VAPB: variants seen among roughly 807,000 people sequenced by gnomAD.
VAPB encodes VAMP associated protein B and C, also known as vesicle-associated membrane protein-associated protein B/C.
A neutral mutation model predicts 25.6 loss-of-function variants in VAPB; 7 were observed. That is an observed-to-expected ratio of 0.27 (90% CI 0.16 to 0.51). VAPB has a LOEUF of 0.51. VAPB is among the 20% of genes least tolerant of loss of function. The pLI is 0.97. For synonymous variants in VAPB, 112 were observed against 109.2 expected (o/e 1.03, Z -0.16); for missense variants, 266 against 301.3 (o/e 0.88, Z 0.87).
At chr20:58,407,612 GGC>G (rs1438616732) in intron 1 of VAPB, among the ~76,000 whole-genome samples, 5 of 151,084 alleles carry the variant, frequency 3.3e-5, no homozygotes, top group Admixed American at 6.6e-5. Flanking sequence ...AATAATTTAT[GGC>G]ATGTCTGTAC....
At chr20:58,421,342 G>A (rs1988664268) in intron 2 of VAPB, among the ~76,000 whole-genome samples, 1 of 152,186 alleles carries the variant, frequency 6.6e-6, no homozygotes, top group Non-Finnish European at 1.5e-5. Context: ...TTTGAAGAAG[G>A]TGGATTGCAT....
In VAPB at chr20:58,449,448, T is replaced by C. The variant is rs1256124407; in HGVS notation, c.*5213T>C. On this transcript the variant is annotated 3_prime_UTR_variant, in exon 6 of 6. Coordinates refer to ENST00000475243, the MANE Select transcript of VAPB (RefSeq NM_004738.5). Reference sequence around the variant, plus strand: ...CATGAATATAATTACTTGAGATTTTTTTTTCTTAATGGAATTAGTTTATTA... The same window carrying C: ...CATGAATATAATTACTTGAGATTTTCTTTTCTTAATGGAATTAGTTTATTA... 4.4e-6 allele frequency: 2 copies of C among 449,668 alleles called. No individual in the cohort carries two copies. Among genetic ancestry groups the C allele is most frequent in the African/African-American group, 4.0e-5 (2 of 49,600 alleles). The allele number at this position is 449,668 out of a possible 1,614,324, so 27.9% of individuals were successfully genotyped here.
intron 1 of VAPB, among the ~76,000 whole-genome samples, chr20:58,401,972 T>A (rs537330575): frequency 6.6e-6 from 1 of 152,282 alleles, no homozygotes; most frequent in African/African-American, 2.4e-5. Context: ...GGCTGCCCCA[T>A]TTTCTCCCGC....
In VAPB at chr20:58,446,140, C is replaced by T. The variant is rs1989287889; in HGVS notation, c.*1905C>T. On this transcript the variant is annotated 3_prime_UTR_variant, in exon 6 of 6. Coordinates refer to ENST00000475243, the MANE Select transcript of VAPB (RefSeq NM_004738.5). ...CAGACTTAGTTGTTACCCAGGCACCCATGGATTGTGTTGAGTGTGCAGACA... is the reference window on the plus strand; with the variant it reads ...CAGACTTAGTTGTTACCCAGGCACCTATGGATTGTGTTGAGTGTGCAGACA... 2.2e-6 allele frequency: 1 copy of T among 454,064 alleles called. No individual in the cohort carries two copies. Among genetic ancestry groups the T allele is most frequent in the Non-Finnish European group, 4.4e-6 (1 of 226,794 alleles). 28.1% of individuals were successfully genotyped at this position (454,064 alleles called of 1,614,324 possible). A position where few individuals can be genotyped will look rare whatever the true frequency, so the allele number is the denominator to read the frequency against.
chr20:58,389,346 C>A lies in VAPB; in HGVS notation c.-114C>A. 1.1e-6 allele frequency: 1 copy of A among 899,646 alleles called. No homozygotes were observed. The highest frequency in any genetic ancestry group is 1.6e-6 in the Non-Finnish European group (1 of 627,272). The allele number at this position is 899,646 out of a possible 1,614,324, so 55.7% of individuals were successfully genotyped here. A position where few individuals can be genotyped will look rare whatever the true frequency, so the allele number is the denominator to read the frequency against. On this transcript the variant is annotated 5_prime_UTR_variant, in exon 1 of 6. Transcript: ENST00000475243. ...ACCCGGTAGAGGACCCCCGCCCGTG[C>A]CCCGACCGGTCCCCGCCTTTTTGTA...
At chr20:58,435,697 A>G (rs983749500) in intron 3 of VAPB, among the ~76,000 whole-genome samples, 25 of 152,270 alleles carry the variant, frequency 1.6e-4, no homozygotes, top group African/African-American at 5.5e-4. Context: ...ACTTGTAGGC[A>G]GAAAATGAAG....
chr20:58,429,029 A>G (rs1348100684), intron 2 of VAPB, among the ~76,000 whole-genome samples: 2 of 152,176 alleles, frequency 1.3e-5, no homozygotes, highest in Non-Finnish European at 2.9e-5. Context: ...GAAATCTAGA[A>G]GTGAGTCTTT....
At chr20:58,411,710 G>A (rs551628309) in intron 1 of VAPB, among the ~76,000 whole-genome samples, 1 of 151,396 alleles carries the variant, frequency 6.6e-6, no homozygotes, top group Admixed American at 6.6e-5. Flanking sequence ...AGTCTCTTTC[G>A]CTCTGTCACC....
chr20:58,429,659 G>A (rs1278130730), intron 2 of VAPB, among the ~76,000 whole-genome samples: 3 of 152,202 alleles, frequency 2.0e-5, no homozygotes, highest in Middle Eastern at 6.3e-3. Flanking sequence ...GTGTGTGCAT[G>A]CATATGTGCC....
chr20:58,433,775 T>C (rs1031223650), intron 2 of VAPB, among the ~76,000 whole-genome samples: 5 of 152,248 alleles, frequency 3.3e-5, no homozygotes, highest in Admixed American at 2.0e-4. Flanking sequence ...TGCCCACTGT[T>C]GTGGTCAAGG....
At chr20:58,406,887 G>A (rs1380938201) in intron 1 of VAPB, among the ~76,000 whole-genome samples, 1 of 152,060 alleles carries the variant, frequency 6.6e-6, no homozygotes, top group Non-Finnish European at 1.5e-5. Context: ...AATTTTATTT[G>A]CAGTAGAATA....
intron 5 of VAPB, among the ~76,000 whole-genome samples, chr20:58,443,176 T>A (rs1189035512): frequency 6.6e-6 from 1 of 152,004 alleles, no homozygotes; most frequent in Non-Finnish European, 1.5e-5. Flanking sequence ...AAGGGGAGGG[T>A]GGGGAATATG....
intron 3 of VAPB, among the ~76,000 whole-genome samples, chr20:58,437,423 TC>T (rs1989072944): frequency 6.6e-6 from 1 of 152,214 alleles, no homozygotes; most frequent in Non-Finnish European, 1.5e-5. Flanking sequence ...ACCAGGTTGT[TC>T]CGCTGTTGGT....
At position 58,408,900 on chromosome 20, in the gene VAPB, C is replaced by A. The variant is rs1457625008; in HGVS notation, c.59-9311C>A. ...ATGAATAGGACAGACACCCCCCCCC[C>A]CCACCCCGCCCCCCACTCCATGTGG... On this transcript the variant is annotated intron_variant, in intron 1 of 5. Transcript: ENST00000475243. Among the ~76,000 whole-genome samples, 5 of 136,626 alleles carry A rather than the reference C, an allele frequency of 3.7e-5. 1 individual carries two copies. The highest frequency in any genetic ancestry group is 5.6e-5 in the African/African-American group (2 of 35,788). The allele number at this position is 136,626 out of a possible 152,430, so 89.6% of individuals were successfully genotyped here. A position where few individuals can be genotyped will look rare whatever the true frequency, so the allele number is the denominator to read the frequency against.
In VAPB at chr20:58,445,563, AT is replaced by A. The variant is rs1568722801; in HGVS notation, c.*1332del. 2.2e-6 allele frequency: 1 copy of A among 454,176 alleles called. No homozygotes were observed. The highest frequency in any genetic ancestry group is 7.0e-5 in the East Asian group (1 of 14,388). 28.1% of individuals were successfully genotyped at this position (454,176 alleles called of 1,614,324 possible). A position where few individuals can be genotyped will look rare whatever the true frequency, so the allele number is the denominator to read the frequency against. ...CCCCAAAATTAAGAATTCTTTTGTCATTTTGTCACATTTGCTCTATGGGGGG... is the reference window on the plus strand; with the variant it reads ...CCCCAAAATTAAGAATTCTTTTGTCATTTGTCACATTTGCTCTATGGGGGG... On this transcript the variant is annotated 3_prime_UTR_variant, in exon 6 of 6. Coordinates refer to ENST00000475243, the MANE Select transcript of VAPB (RefSeq NM_004738.5).
chr20:58,447,107 C>T lies in VAPB; in HGVS notation c.*2872C>T, dbSNP rs1989311456. 2 of 453,954 alleles carry T rather than the reference C, an allele frequency of 4.4e-6. No homozygotes were observed. The highest frequency in any genetic ancestry group is 8.8e-6 in the Non-Finnish European group (2 of 226,786). 28.1% of individuals were successfully genotyped at this position (453,954 alleles called of 1,614,324 possible). A position where few individuals can be genotyped will look rare whatever the true frequency, so the allele number is the denominator to read the frequency against. ...CAGTCTGCTCCTGTGGTTACTGGCT[C>T]CACAGCACCTCAGAGAGGGCGGCCC... On this transcript the variant is annotated 3_prime_UTR_variant, in exon 6 of 6. Transcript: ENST00000475243.
intron 1 of VAPB, among the ~76,000 whole-genome samples, chr20:58,417,999 A>G (rs1353590607): frequency 6.6e-6 from 1 of 152,234 alleles, no homozygotes; most frequent in Admixed American, 6.5e-5. Flanking sequence ...GAACACTTAC[A>G]CTAGGTACCT....
Position 58,446,214 on chromosome 20 carries a change from C to A in VAPB, c.*1979C>A. The A allele has an allele frequency of 2.2e-6, 1 of 454,094 alleles. No individual in the cohort carries two copies. Among genetic ancestry groups the A allele is most frequent in the Non-Finnish European group, 4.4e-6 (1 of 226,778 alleles). 28.1% of individuals were successfully genotyped at this position (454,094 alleles called of 1,614,324 possible). On this transcript the variant is annotated 3_prime_UTR_variant, in exon 6 of 6. Coordinates refer to ENST00000475243, the MANE Select transcript of VAPB (RefSeq NM_004738.5). ...CGTCTCCAGGATTTTTCCCATGTGT[C>A]CCCCAGTACTTATAAAAGGGAGTGA...
At chr20:58,426,505 C>G (rs973898983) in intron 2 of VAPB, among the ~76,000 whole-genome samples, 5 of 152,116 alleles carry the variant, frequency 3.3e-5, no homozygotes, top group Non-Finnish European at 7.3e-5. Flanking sequence ...AGGAGAGCAT[C>G]ACTGGGTGTA....
Sources: allele counts gnomAD v4.1 joint callset (sites outside exome capture counted in the v4.1 genomes callset), GRCh38; gene constraint gnomAD v4.1.1; transcripts MANE v1.5; gene names NCBI Gene and HGNC (gene_info 2026-07-23, HGNC 2026-07-21).